PRICKLE2: variants seen among roughly 807,000 people sequenced by gnomAD.
PRICKLE2 encodes prickle-like protein 2.
PRICKLE2 carries 21 observed loss-of-function variants against 81.4 expected under a neutral mutation model. The ratio of observed to expected loss-of-function variants is 0.26; its 90% CI spans 0.18 to 0.37. The LOEUF (loss-of-function observed/expected upper bound fraction) is 0.37, where lower values mean the gene tolerates loss of function less well. Ranked by LOEUF, PRICKLE2 falls within the 10% of genes least tolerant of loss-of-function variation. The probability of loss-of-function intolerance (pLI) is 1.00; values close to 1 mark genes in which losing one functional copy is unlikely to be tolerated. For missense variants in PRICKLE2, 940 were observed against 1,109.0 expected (o/e 0.85, Z 2.16); for synonymous variants, 456 against 421.5 (o/e 1.08, Z -1.00).
chr3:64,184,303 A>G (rs2078184344), intron 2 of PRICKLE2, among the ~76,000 whole-genome samples: 1 of 152,208 alleles, frequency 6.6e-6, no homozygotes, highest in Non-Finnish European at 1.5e-5. Flanking sequence ...AGGTAAAACA[A>G]CTTGCTCCAA....
intron 7 of PRICKLE2, among the ~76,000 whole-genome samples, chr3:64,105,097 CACA>C (rs1313235142): frequency 6.6e-6 from 1 of 152,168 alleles, no homozygotes; most frequent in Non-Finnish European, 1.5e-5. Context: ...TCTCCCCAAA[CACA>C]ACAATAAGCT....
chr3:64,121,095 A>G (rs538302772), intron 7 of PRICKLE2, among the ~76,000 whole-genome samples: 1 of 152,192 alleles, frequency 6.6e-6, no homozygotes, highest in Admixed American at 6.5e-5. Context: ...CCCTCTGCAC[A>G]GATGGAATAA....
intron 2 of PRICKLE2, among the ~76,000 whole-genome samples, chr3:64,233,937 G>A (rs114633961): frequency 6.6e-6 from 1 of 152,164 alleles, no homozygotes; most frequent in African/African-American, 2.4e-5. Context: ...TATAATATGT[G>A]GCCCTTTGTG....
intron 7 of PRICKLE2, chr3:64,101,916 A>C (rs1299203208): frequency 6.6e-6 from 1 of 152,228 alleles, no homozygotes; most frequent in Non-Finnish European, 1.5e-5. Context: ...ATCAGACAAC[A>C]CCTTGACCTT....
chr3:64,261,826 A>G (rs577370527), intron 2 of PRICKLE2, among the ~76,000 whole-genome samples: 1 of 152,198 alleles, frequency 6.6e-6, no homozygotes, highest in South Asian at 2.1e-4. Context: ...GGTCACGGCA[A>G]AGTGTTTGGG....
intron 2 of PRICKLE2, among the ~76,000 whole-genome samples, chr3:64,236,729 G>A (rs1575700263): frequency 6.6e-6 from 1 of 152,182 alleles, no homozygotes; most frequent in African/African-American, 2.4e-5. Flanking sequence ...CTTGGGCTAT[G>A]GCTCTTGCTG....
At chr3:64,121,968 A>G (rs573068134) in intron 7 of PRICKLE2, among the ~76,000 whole-genome samples, 1 of 152,306 alleles carries the variant, frequency 6.6e-6, no homozygotes, top group Non-Finnish European at 1.5e-5. Context: ...AGCTCCTCCC[A>G]GCTGAGTCTG....
At chr3:64,188,438 A>T (rs1172218008) in intron 2 of PRICKLE2, among the ~76,000 whole-genome samples, 1 of 152,212 alleles carries the variant, frequency 6.6e-6, no homozygotes, top group Non-Finnish European at 1.5e-5. Context: ...TTGTTGAAAC[A>T]GATTGTTGGG....
chr3:64,257,357 G>A (rs965750640), intron 2 of PRICKLE2, among the ~76,000 whole-genome samples: 3 of 152,158 alleles, frequency 2.0e-5, no homozygotes, highest in Admixed American at 6.5e-5. Context: ...AGTCTGGGCT[G>A]TTCCAAACAC....
rs1029026162 is a variant in PRICKLE2, at chr3:64,109,594, G to T, written c.1661-9669C>A. The stretch of plus-strand genomic sequence containing the variant: ...GGAGGCCAAGCCCTGGGGCAGGGGT[G>T]GGGGAGGAGGGGAGTGTGCATAACT... On this transcript the variant is annotated intron_variant, in intron 7 of 7. Transcript: ENST00000638394. Among the ~76,000 whole-genome samples, 12 of 152,254 alleles carry T rather than the reference G, an allele frequency of 7.9e-5. No homozygotes were observed. The East Asian group carries it at 1.7e-3, about 22-fold the overall frequency.
At chr3:64,132,072 C>T (rs914069680) in intron 7 of PRICKLE2, among the ~76,000 whole-genome samples, 14 of 152,204 alleles carry the variant, frequency 9.2e-5, no homozygotes, top group African/African-American at 3.1e-4. Context: ...ATAAGATAAC[C>T]TTCTTCCTTG....
At chr3:64,230,218 A>G (rs771165972), upstream of PRICKLE2, among the ~76,000 whole-genome samples, 4 of 152,186 alleles carry the variant, frequency 2.6e-5, no homozygotes, top group Non-Finnish European at 5.9e-5. Context: ...GAAAACAGAC[A>G]ATGGAGGACC....
At chr3:64,265,019 T>C (rs553087813) in intron 2 of PRICKLE2, among the ~76,000 whole-genome samples, 1 of 152,302 alleles carries the variant, frequency 6.6e-6, no homozygotes, top group Admixed American at 6.5e-5. Context: ...CCTGCGTCTG[T>C]TCCCTCCGCT....
At chr3:64,140,204 G>T (rs1237476735) in intron 7 of PRICKLE2, among the ~76,000 whole-genome samples, 1 of 152,124 alleles carries the variant, frequency 6.6e-6, no homozygotes, top group African/African-American at 2.4e-5. Flanking sequence ...GGATAGTGAG[G>T]TGCAGAATAG....
chr3:64,188,745 TG>T (rs1436417904), intron 2 of PRICKLE2, among the ~76,000 whole-genome samples: 1 of 152,238 alleles, frequency 6.6e-6, no homozygotes, highest in Non-Finnish European at 1.5e-5. Flanking sequence ...AAAGTTTTAT[TG>T]TCACATGACC....
At chr3:64,261,153 C>A (rs704409) in intron 2 of PRICKLE2, among the ~76,000 whole-genome samples, 64,526 of 152,004 alleles carry the variant, frequency 0.42, 14,063 homozygotes, top group Admixed American at 0.51. Flanking sequence ...ACAATTAATA[C>A]AGAAAAAGAA....
intron 1 of PRICKLE2, among the ~76,000 whole-genome samples, chr3:64,210,480 G>A (rs1282558535): frequency 6.6e-6 from 1 of 152,116 alleles, no homozygotes; most frequent in African/African-American, 2.4e-5. Context: ...GCTGGTGTGT[G>A]CTGAGTGCCA....
chr3:64,241,181 C>G (rs917115612), intron 2 of PRICKLE2, among the ~76,000 whole-genome samples: 1 of 152,172 alleles, frequency 6.6e-6, no homozygotes, highest in Non-Finnish European at 1.5e-5. Context: ...AAAACAGGCA[C>G]CTACAAGTTG....
chr3:64,161,334 G>T (rs1364089727), intron 3 of PRICKLE2, among the ~76,000 whole-genome samples: 3 of 152,096 alleles, frequency 2.0e-5, no homozygotes, highest in Non-Finnish European at 4.4e-5. Flanking sequence ...GTTATACTTT[G>T]GAGTAATCTG....
Sources: gnomAD v4.1 joint callset for allele counts (sites outside exome capture counted in the v4.1 genomes callset) on GRCh38, gnomAD v4.1.1 for gene constraint, MANE v1.5 for transcripts, NCBI Gene and HGNC (gene_info 2026-07-23, HGNC 2026-07-21) for gene names.